Variants in DMD observed in about 807,000 individuals in gnomAD.
DMD encodes the protein mutant dystrophin.
A neutral mutation model predicts 330.1 loss-of-function variants in DMD; 63 were observed. The ratio of observed to expected loss-of-function variants is 0.19; its 90% confidence interval spans 0.16 to 0.24. The LOEUF is 0.24. DMD is among the 10% of genes least tolerant of loss of function. DMD has a pLI of 1.00. For missense variants in DMD, 3,344 were observed against 2,684.1 expected (o/e 1.25, Z -5.43); for synonymous variants, 1,223 against 959.8 (o/e 1.27, Z -5.07).
intron 11 of DMD, among the ~76,000 whole-genome samples, chrX:32,637,527 C>T (rs2059181986): frequency 8.9e-6 from 1 of 111,787 alleles, no homozygotes; most frequent in African/African-American, 3.3e-5. Flanking sequence ...CAGCACCCCA[C>T]TCTCTGCGGT....
At chrX:33,161,835 A>C (rs1281531160) in intron 1 of DMD, among the ~76,000 whole-genome samples, 1 of 112,137 alleles carries the variant, frequency 8.9e-6, no homozygotes, top group African/African-American at 3.2e-5. Context: ...CCCTACACTA[A>C]TCTGAAGTTG....
intron 44 of DMD, among the ~76,000 whole-genome samples, chrX:32,204,257 G>A (rs1178158241): frequency 5.4e-5 from 6 of 111,856 alleles, no homozygotes; most frequent in Admixed American, 9.5e-5. Context: ...GGGATAAAGC[G>A]TTTAAACTTT....
At chrX:32,902,158 A>AACACACACAAAC (rs2086312408) in intron 2 of DMD, among the ~76,000 whole-genome samples, 1 of 86,639 alleles carries the variant, frequency 1.2e-5, no homozygotes, top group Admixed American at 1.3e-4. Flanking sequence ...CACACACACA[A>AACACACACAAAC]ACACACACAC....
At chrX:33,102,112 A>G (rs889432112) in intron 1 of DMD, among the ~76,000 whole-genome samples, 3 of 112,090 alleles carry the variant, frequency 2.7e-5, no homozygotes, top group African/African-American at 9.7e-5. Flanking sequence ...CACGGACTTC[A>G]TAGACTGTCA....
At chrX:33,172,723 A>G (rs1303049462) in intron 1 of DMD, among the ~76,000 whole-genome samples, 1 of 112,190 alleles carries the variant, frequency 8.9e-6, no homozygotes, top group Non-Finnish European at 1.9e-5. Flanking sequence ...GTATTTCACC[A>G]GTAGCTAAAA....
intron 54 of DMD, among the ~76,000 whole-genome samples, chrX:31,652,484 AT>A (rs754047331): frequency 4.5e-5 from 5 of 111,965 alleles, no homozygotes; most frequent in Non-Finnish European, 9.4e-5. Flanking sequence ...ATACAAAAGT[AT>A]TTGTTGAGTA....
intron 7 of DMD, among the ~76,000 whole-genome samples, chrX:32,788,084 A>AT (rs1427160785): frequency 8.9e-6 from 1 of 111,735 alleles, no homozygotes; most frequent in Non-Finnish European, 1.9e-5. Flanking sequence ...CAAAAATCAG[A>AT]TTTTAACCCA....
At chrX:31,454,852 A>C (rs1240763537) in intron 59 of DMD, among the ~76,000 whole-genome samples, 2 of 110,901 alleles carry the variant, frequency 1.8e-5, no homozygotes, top group Non-Finnish European at 3.8e-5. Flanking sequence ...TCCTGGGCTC[A>C]AGCGATCCTC....
chrX:32,982,821 A>G (rs1475886953), intron 2 of DMD, among the ~76,000 whole-genome samples: 2 of 112,073 alleles, frequency 1.8e-5, no homozygotes, highest in African/African-American at 3.2e-5. Context: ...ACTTTCTAGG[A>G]CAGGATGGGT....
chrX:32,389,991 C>T, intron 31 of DMD, 80 bp downstream of exon 31: 1 of 797,551 alleles, frequency 1.3e-6, no homozygotes, highest in Non-Finnish European at 1.9e-6. Flanking sequence ...CCAATCTTGC[C>T]AATAATCAAG....
intron 51 of DMD, among the ~76,000 whole-genome samples, chrX:31,772,082 T>C: frequency 8.9e-6 from 1 of 112,363 alleles, no homozygotes; most frequent in East Asian, 2.8e-4. Flanking sequence ...TATGATGTGA[T>C]ATACAGTTTG....
At chrX:32,574,944 C>T (rs1291414859) in intron 13 of DMD, among the ~76,000 whole-genome samples, 2 of 108,280 alleles carry the variant, frequency 1.8e-5, no homozygotes, top group Non-Finnish European at 3.8e-5. Flanking sequence ...GTCACCCAGG[C>T]TGGAGTGCAA....
At chrX:32,039,873 T>C (rs781276230) in intron 44 of DMD, among the ~76,000 whole-genome samples, 1 of 111,406 alleles carries the variant, frequency 9.0e-6, no homozygotes, top group African/African-American at 3.3e-5. Context: ...TTTCTTACAT[T>C]GCACATTTAA....
chrX:32,256,024 G>A (rs759050206), intron 43 of DMD, among the ~76,000 whole-genome samples: 1 of 111,006 alleles, frequency 9.0e-6, no homozygotes, highest in East Asian at 2.8e-4. Context: ...TACTTGCCTG[G>A]AATGTTAAAG....
intron 7 of DMD, among the ~76,000 whole-genome samples, chrX:32,806,890 A>T: frequency 9.1e-6 from 1 of 110,152 alleles, no homozygotes; most frequent in Non-Finnish European, 1.9e-5. Context: ...GTTCTTTGAA[A>T]CCAATGAGAA....
At position 33,009,600 on chromosome X, in the gene DMD, G is replaced by A. The variant is rs2093579609; in HGVS notation, c.93+10539C>T. 3.3e-5 allele frequency among the ~76,000 whole-genome samples: 2 copies of A among 61,430 alleles called. 1 individual carries two copies. The highest frequency in any genetic ancestry group is 3.3e-4 in the Admixed American group (2 of 6,139). 53.3% of individuals were successfully genotyped at this position (61,430 alleles called of 115,157 possible). A position where few individuals can be genotyped will look rare whatever the true frequency, so the allele number is the denominator to read the frequency against. The stretch of plus-strand genomic sequence containing the variant: ...TACACATATGTGTGTATGTGTGTAT[G>A]TGTATATACACATATGTGTGTATGT... On this transcript the variant is annotated intron_variant, in intron 2 of 78. Transcript: ENST00000357033.
intron 19 of DMD, among the ~76,000 whole-genome samples, chrX:32,492,816 T>C (rs181036626): frequency 8.9e-6 from 1 of 112,242 alleles, no homozygotes; most frequent in East Asian, 2.8e-4. Flanking sequence ...AACTTTCTTA[T>C]ACTTTGGAAA....
intron 60 of DMD, among the ~76,000 whole-genome samples, chrX:31,354,896 G>A (rs771424893): frequency 4.5e-5 from 5 of 111,572 alleles, no homozygotes; most frequent in South Asian, 7.5e-4. Flanking sequence ...GTATGAATAC[G>A]GTAGACTTGA....
chrX:31,822,653 GGTGTGTGTGTGTGT>G (rs1556919105), intron 49 of DMD, among the ~76,000 whole-genome samples: 13 of 65,806 alleles, frequency 2.0e-4, no homozygotes, highest in East Asian at 1.8e-3. Context: ...AAGGCAGAGG[GGTGTGTGTGTGTGT>G]GTGTGTGTGT....
Sources: allele counts gnomAD v4.1 joint callset (sites outside exome capture counted in the v4.1 genomes callset), GRCh38; gene constraint gnomAD v4.1.1; transcripts MANE v1.5; gene names NCBI Gene and HGNC (gene_info 2026-07-23, HGNC 2026-07-21).